Variants in MCM9 observed in about 807,000 individuals in gnomAD.
MCM9 encodes the protein minichromosome maintenance 9 homologous recombination repair factor.
A neutral mutation model predicts 72.8 loss-of-function variants in MCM9; 55 were observed. The observed-to-expected ratio is 0.76, with a 90% CI of 0.61 to 0.95. The LOEUF (loss-of-function observed/expected upper bound fraction) is 0.95. Ranked by LOEUF, MCM9 falls within the 40% of genes least tolerant of loss-of-function variation. MCM9 has a pLI of 0.00. For missense variants in MCM9, 1,279 were observed against 1,377.0 expected, an observed-to-expected ratio of 0.93 and a Z score of 1.13; for synonymous variants, 480 against 503.4, an observed-to-expected ratio of 0.95 and a Z score of 0.62.
At chr6:118,818,047 G>A (rs962693640) in intron 13 of MCM9, among the ~76,000 whole-genome samples, 3 of 152,064 alleles carry the variant, frequency 2.0e-5, no homozygotes, top group Non-Finnish European at 2.9e-5. Flanking sequence ...CAGATGGATA[G>A]ATTGTAAAAA....
Position 118,928,479 on chromosome 6 carries a change from C to G in MCM9, c.304+2941G>C, listed in dbSNP as rs181288548. ...GAGTCACAACTCTGTCACTTACTAG[C>G]TGTGTGACTTTGGCTAAGTTGTAAC... On this transcript the variant is annotated intron_variant, in intron 3 of 13. Transcript: ENST00000619706. Among the ~76,000 whole-genome samples, 3 of 152,254 alleles carry G rather than the reference C, an allele frequency of 2.0e-5. No homozygotes were observed. The East Asian group carries it at 5.8e-4, about 29-fold the overall frequency.
chr6:118,917,108 C>T (rs1434569993), intron 6 of MCM9, among the ~76,000 whole-genome samples: 3 of 152,132 alleles, frequency 2.0e-5, no homozygotes, highest in African/African-American at 4.8e-5. Context: ...CAAAGCTTAT[C>T]GTCTGCATCT....
At chr6:118,900,328 A>C (rs1247886342) in intron 8 of MCM9, among the ~76,000 whole-genome samples, 1 of 152,196 alleles carries the variant, frequency 6.6e-6, no homozygotes, top group Admixed American at 6.5e-5. Context: ...CTGCCCTTCC[A>C]AAGTGTGTTG....
chr6:118,894,342 G>T, intron 8 of MCM9: 2 of 1,530,996 alleles, frequency 1.3e-6, no homozygotes, highest in African/African-American at 1.4e-5. Flanking sequence ...GCGCTCTCCC[G>T]AGCGGCCGCG....
intron 8 of MCM9, among the ~76,000 whole-genome samples, chr6:118,893,705 T>C (rs1032826936): frequency 8.5e-5 from 13 of 152,134 alleles, no homozygotes; most frequent in South Asian, 2.1e-4. Flanking sequence ...AATCTTTCTC[T>C]CTACTCCAAA....
chr6:118,921,682 A>C, intron 5 of MCM9: 1 of 193,706 alleles, frequency 5.2e-6, no homozygotes, highest in Non-Finnish European at 1.0e-5. Flanking sequence ...CTGTTAAGCT[A>C]TAGTGCACTG....
At chr6:118,925,297 C>T (rs984722471) in intron 3 of MCM9, among the ~76,000 whole-genome samples, 17 of 152,238 alleles carry the variant, frequency 1.1e-4, no homozygotes, top group African/African-American at 4.1e-4. Flanking sequence ...GTTCAAAAAC[C>T]AGGTAGGTAC....
In MCM9 at chr6:118,917,704, T is replaced by A; in HGVS notation, c.761A>T (p.Asp254Val). 6.2e-7 allele frequency: 1 copy of A among 1,614,142 alleles called. No individual in the cohort carries two copies. Among genetic ancestry groups the A allele is most frequent in the Non-Finnish European group, 8.5e-7 (1 of 1,180,022 alleles). ...VMQRWKPFQQ[D>V]VRCEVEIVLK... Reference sequence around the variant, plus strand: ...GACTATCTCCACTTCACAGCGCACATCTTGCTGAAAGGGCTTCCACCGTTG... The same window carrying A: ...GACTATCTCCACTTCACAGCGCACAACTTGCTGAAAGGGCTTCCACCGTTG... The change falls in exon 6 of 14, where the codon GAT becomes GTT. Residue 254 changes from aspartate (D) to valine (V), a missense_variant. Physicochemically the swap from Asp to Val is radical, Grantham distance 152 (BLOSUM62 -3). Transcript: ENST00000619706.
chr6:118,911,501 A>G, intron 8 of MCM9, 149 bp downstream of exon 8: 1 of 1,348,234 alleles, frequency 7.4e-7, no homozygotes, highest in Middle Eastern at 2.6e-4. Context: ...GAGCTACCAA[A>G]ATAACATTGC....
intron 9 of MCM9, among the ~76,000 whole-genome samples, chr6:118,844,912 G>A (rs1039245767): frequency 6.6e-6 from 1 of 151,758 alleles, no homozygotes; most frequent in South Asian, 2.1e-4. Context: ...TTCTGGACAG[G>A]CCAAACACTG....
At chr6:118,931,818 A>G (rs1402654062) in intron 2 of MCM9, 80 bp from the exon 3 acceptor site, 5 of 1,076,810 alleles carry the variant, frequency 4.6e-6, no homozygotes, top group Non-Finnish European at 5.2e-6. Context: ...ATTGGTTATA[A>G]ATCACACTGG....
chr6:118,853,767 C>CT (rs1776379196), intron 9 of MCM9, among the ~76,000 whole-genome samples: 1 of 152,180 alleles, frequency 6.6e-6, no homozygotes, highest in African/African-American at 2.4e-5. Flanking sequence ...CCTCTGTACT[C>CT]TAACTTGGGC....
intron 8 of MCM9, chr6:118,905,606 C>T: frequency 6.8e-7 from 1 of 1,478,664 alleles, no homozygotes; most frequent in Non-Finnish European, 9.1e-7. Context: ...CTGCCACTAA[C>T]AGCCTTTTGT....
At chr6:118,891,868 T>C (rs185917180) in intron 8 of MCM9, among the ~76,000 whole-genome samples, 44 of 152,322 alleles carry the variant, frequency 2.9e-4, no homozygotes, top group African/African-American at 9.9e-4. Context: ...TGAGAAGTGA[T>C]TGGGGGATTA....
At chr6:118,907,514 C>T (rs757952076) in intron 8 of MCM9, 1 of 1,613,504 alleles carries the variant, frequency 6.2e-7, no homozygotes, top group Non-Finnish European at 8.5e-7. Flanking sequence ...AATCTACAGT[C>T]ACTTCTTTCA....
intron 8 of MCM9, among the ~76,000 whole-genome samples, chr6:118,897,137 C>T (rs1270968960): frequency 2.6e-5 from 4 of 152,154 alleles, no homozygotes; most frequent in Admixed American, 2.0e-4. Context: ...GCACCCAGCC[C>T]AAACTATAGA....
Position 118,906,641 on chromosome 6 carries a change from A to ATT in MCM9, c.1150+5008_1150+5009insAA, listed in dbSNP as rs1339738449. 2.6e-5 allele frequency among the ~76,000 whole-genome samples: 4 copies of ATT among 152,336 alleles called. No individual in the cohort carries two copies. In the East Asian group the frequency reaches 7.7e-4, roughly 29 times the overall value. Reference sequence around the variant, plus strand: ...TTAGAAGTTAAACTAACAGTCTTAAATATTTCTGGTACTGAAAACAGCTTA... The same window carrying ATT: ...TTAGAAGTTAAACTAACAGTCTTAAATTTATTTCTGGTACTGAAAACAGCTTA... On this transcript the variant is annotated intron_variant, in intron 8 of 13. Transcript: ENST00000619706.
intron 8 of MCM9, among the ~76,000 whole-genome samples, chr6:118,881,454 G>A (rs986700782): frequency 6.6e-6 from 1 of 152,112 alleles, no homozygotes; most frequent in Non-Finnish European, 1.5e-5. Context: ...AAAATTCAGT[G>A]AGCGAGTCAA....
chr6:118,859,057 G>T lies in MCM9; in HGVS notation c.1151-2512C>A, dbSNP rs138990481. Among the ~76,000 whole-genome samples, 995 of 152,264 alleles carry T rather than the reference G, an allele frequency of 6.5e-3. 7 individuals carry two copies. Among genetic ancestry groups the T allele is most frequent in the African/African-American group, 0.022 (926 of 41,562 alleles). On this transcript the variant is annotated intron_variant, in intron 8 of 13. Coordinates refer to ENST00000619706, the MANE Select transcript of MCM9 (RefSeq NM_017696.3). ...CAAATCAGTGTGGTACTGGAAAAAGGTTAGGCAGATAGAACACTGGAACAG... is the reference window on the plus strand; with the variant it reads ...CAAATCAGTGTGGTACTGGAAAAAGTTTAGGCAGATAGAACACTGGAACAG...
Sources: gnomAD v4.1 joint callset for allele counts (sites outside exome capture counted in the v4.1 genomes callset) on GRCh38, gnomAD v4.1.1 for gene constraint, MANE v1.5 for transcripts, NCBI Gene and HGNC (gene_info 2026-07-23, HGNC 2026-07-21) for gene names.